MACROD2: variants seen among roughly 807,000 people sequenced by gnomAD.
MACROD2 encodes the protein mono-ADP ribosylhydrolase 2, also known as ADP-ribose glycohydrolase MACROD2.
In MACROD2, 36 loss-of-function variants were observed where a neutral mutation model predicts 70.4. That is an observed-to-expected ratio of 0.51 (90% CI 0.39 to 0.68). The LOEUF (loss-of-function observed/expected upper bound fraction) is 0.68, where lower values mean the gene tolerates loss of function less well. Ranked by LOEUF, MACROD2 falls within the 30% of genes least tolerant of loss-of-function variation. The pLI, the probability that MACROD2 is intolerant of heterozygous loss-of-function variation, is 0.00. For synonymous variants in MACROD2, 172 were observed against 178.8 expected (o/e 0.96, Z 0.30); for missense variants, 496 against 538.4 (o/e 0.92, Z 0.78).
At chr20:14,142,893 T>G (rs564445433) in intron 3 of MACROD2, among the ~76,000 whole-genome samples, 1 of 152,218 alleles carries the variant, frequency 6.6e-6, no homozygotes, top group Admixed American at 6.5e-5. Context: ...GAGATACTTA[T>G]GTCTATGTAG....
intron 4 of MACROD2, among the ~76,000 whole-genome samples, chr20:14,546,583 G>A (rs1394263213): frequency 1.3e-5 from 2 of 152,142 alleles, no homozygotes; most frequent in African/African-American, 4.8e-5. Context: ...CTCTCAGACA[G>A]ATCCTGATTG....
chr20:14,441,459 G>A (rs936378997), intron 3 of MACROD2, among the ~76,000 whole-genome samples: 4 of 152,188 alleles, frequency 2.6e-5, no homozygotes, highest in Non-Finnish European at 4.4e-5. Flanking sequence ...TTGTTATACA[G>A]CAGTGGATAA....
chr20:14,393,148 A>G (rs964015365), intron 3 of MACROD2, among the ~76,000 whole-genome samples: 1 of 152,206 alleles, frequency 6.6e-6, no homozygotes, highest in African/African-American at 2.4e-5. Flanking sequence ...TCTCATTGAA[A>G]TATTGTTAAA....
chr20:15,403,156 C>T (rs1451774874), intron 6 of MACROD2, among the ~76,000 whole-genome samples: 1 of 151,802 alleles, frequency 6.6e-6, no homozygotes, highest in African/African-American at 2.4e-5. Flanking sequence ...TGAGTAGAGA[C>T]GGGGTTTCAC....
At chr20:15,523,718 G>T (rs1334370013) in intron 8 of MACROD2, among the ~76,000 whole-genome samples, 2 of 152,180 alleles carry the variant, frequency 1.3e-5, no homozygotes. Context: ...AGACTGGGGG[G>T]TGAAAACCTG....
intron 3 of MACROD2, among the ~76,000 whole-genome samples, chr20:14,379,658 TG>T (rs2083403847): frequency 6.6e-6 from 1 of 152,144 alleles, no homozygotes; most frequent in Admixed American, 6.5e-5. Context: ...CTACTTTCTG[TG>T]TCTATAAATT....
chr20:14,114,578 A>G (rs1315931824), intron 3 of MACROD2, among the ~76,000 whole-genome samples: 2 of 152,104 alleles, frequency 1.3e-5, no homozygotes, highest in Admixed American at 1.3e-4. Flanking sequence ...GCACCCTGAC[A>G]TGAACTGTTA....
chr20:15,893,935 T>C lies in MACROD2; in HGVS notation c.775+8124T>C, dbSNP rs536521789. ...GAGGCTCAGCTAGGAAGTGCCTCAG[T>C]CTGCAGTGCAGTCTGGAAGTCTGGA... On this transcript the variant is annotated intron_variant, in intron 10 of 17. Coordinates refer to ENST00000684519, the MANE Select transcript of MACROD2 (RefSeq NM_001351661.2). The C allele has an allele frequency of 1.7e-4, 77 of 456,692 alleles. 1 individual carries two copies. The highest frequency in any genetic ancestry group is 1.5e-3 in the Admixed American group (63 of 42,576). The allele number at this position is 456,692 out of a possible 1,614,324, so 28.3% of individuals were successfully genotyped here.
intron 5 of MACROD2, among the ~76,000 whole-genome samples, chr20:14,769,676 T>G (rs1208906716): frequency 6.6e-6 from 1 of 152,132 alleles, no homozygotes; most frequent in Non-Finnish European, 1.5e-5. Context: ...CTCACCATTT[T>G]GGTGCAACCT....
At chr20:14,619,357 AG>A (rs1388899991) in intron 4 of MACROD2, among the ~76,000 whole-genome samples, 1 of 137,396 alleles carries the variant, frequency 7.3e-6, no homozygotes, top group Non-Finnish European at 1.6e-5. Context: ...AAGAAAAGGA[AG>A]GAAGGGAGGG....
intron 3 of MACROD2, among the ~76,000 whole-genome samples, chr20:14,448,541 G>A (rs962186257): frequency 2.0e-5 from 3 of 151,936 alleles, no homozygotes; most frequent in Non-Finnish European, 4.4e-5. Flanking sequence ...GCCAGGCATG[G>A]TGGTGCATGC....
chr20:15,198,656 A>G (rs2076627964), intron 5 of MACROD2, among the ~76,000 whole-genome samples: 1 of 152,192 alleles, frequency 6.6e-6, no homozygotes, highest in Non-Finnish European at 1.5e-5. Flanking sequence ...TTAATGGACT[A>G]TAATTCATTT....
intron 8 of MACROD2, among the ~76,000 whole-genome samples, chr20:15,669,928 G>C (rs1160666913): frequency 2.0e-5 from 3 of 152,102 alleles, no homozygotes; most frequent in African/African-American, 7.2e-5. Context: ...GACAGGCATG[G>C]TGCTGTGTGT....
In MACROD2 at chr20:15,871,253, A is replaced by G. The variant is rs189359525; in HGVS notation, c.727+8427A>G. Among the ~76,000 whole-genome samples, 674 of 152,096 alleles carry G rather than the reference A, an allele frequency of 4.4e-3. 2 individuals are homozygous for G. The highest frequency in any genetic ancestry group is 7.1e-3 in the Non-Finnish European group (484 of 67,998). On this transcript the variant is annotated intron_variant, in intron 9 of 17. Coordinates refer to ENST00000684519, the MANE Select transcript of MACROD2 (RefSeq NM_001351661.2). ...AAAATTACTTCTCTGACAAATGGGCACAAAACTTTAAAATTTTACCCAGGC... is the reference window on the plus strand; with the variant it reads ...AAAATTACTTCTCTGACAAATGGGCGCAAAACTTTAAAATTTTACCCAGGC...
intron 8 of MACROD2, among the ~76,000 whole-genome samples, chr20:15,805,664 C>T (rs867929088): frequency 4.6e-5 from 7 of 151,982 alleles, no homozygotes; most frequent in African/African-American, 7.3e-5. Context: ...TTAGTAGAGA[C>T]GGGGTTTCTC....
chr20:15,283,483 G>A (rs1249470216), intron 6 of MACROD2, among the ~76,000 whole-genome samples: 1 of 152,066 alleles, frequency 6.6e-6, no homozygotes, highest in African/African-American at 2.4e-5. Flanking sequence ...GACCAGCCTG[G>A]CCAACATGGT....
intron 3 of MACROD2, among the ~76,000 whole-genome samples, chr20:14,350,900 C>G (rs2083117292): frequency 6.6e-6 from 1 of 152,148 alleles, no homozygotes; most frequent in Non-Finnish European, 1.5e-5. Context: ...TTTCAATCTT[C>G]AATCCATTTC....
chr20:14,017,017 TC>T (rs2053002517), intron 2 of MACROD2, among the ~76,000 whole-genome samples: 1 of 152,154 alleles, frequency 6.6e-6, no homozygotes. Context: ...TTCTTTAACT[TC>T]TTTTAGCACT....
intron 5 of MACROD2, among the ~76,000 whole-genome samples, chr20:15,093,363 CCTT>C: frequency 6.6e-6 from 1 of 152,080 alleles, no homozygotes; most frequent in Non-Finnish European, 1.5e-5. Context: ...GGGCCGGGGT[CCTT>C]TTCCATTGTC....
Sources: allele counts gnomAD v4.1 joint callset (sites outside exome capture counted in the v4.1 genomes callset), GRCh38; gene constraint gnomAD v4.1.1; transcripts MANE v1.5; gene names NCBI Gene and HGNC (gene_info 2026-07-23, HGNC 2026-07-21).